LGSN: variants seen among roughly 807,000 people sequenced by gnomAD.
LGSN encodes the protein lengsin.
LGSN carries 21 observed loss-of-function variants against 19.5 expected under a neutral mutation model. The ratio of observed to expected loss-of-function variants is 1.07; its 90% CI spans 0.76 to 1.55. LGSN has a LOEUF of 1.55. Ranked by LOEUF, LGSN falls within the 40% of genes most tolerant of loss-of-function variation. The probability of loss-of-function intolerance (pLI) is 0.00; values close to 1 mark genes in which losing one functional copy is unlikely to be tolerated. For synonymous variants in LGSN, 257 were observed against 215.6 expected (o/e 1.19, Z -1.68); for missense variants, 673 against 608.5 (o/e 1.11, Z -1.12).
At chr6:63,358,582 C>T in the LGSN span, among the ~76,000 whole-genome samples, 117 of 152,148 alleles carry the variant, frequency 7.7e-4, no homozygotes, top group Middle Eastern at 3.4e-3. Flanking sequence ...GTATTTTATT[C>T]TCTTTGAAGC....
the LGSN span, among the ~76,000 whole-genome samples, chr6:63,326,793 C>T: frequency 3.9e-5 from 6 of 152,172 alleles, no homozygotes; most frequent in East Asian, 1.9e-4. Context: ...CCAGCTGGCC[C>T]GCAAGTGCCG....
chr6:63,332,499 C>T, the LGSN span, among the ~76,000 whole-genome samples: 14 of 152,224 alleles, frequency 9.2e-5, no homozygotes, highest in Admixed American at 8.5e-4. Context: ...TCTCTGTCAA[C>T]CCTCGGCTCA....
the LGSN span, among the ~76,000 whole-genome samples, chr6:63,520,942 A>G: frequency 3.9e-5 from 6 of 152,198 alleles, no homozygotes; most frequent in East Asian, 1.9e-4. Flanking sequence ...AGGGACATGG[A>G]TGAAGCTAGA....
the LGSN span, among the ~76,000 whole-genome samples, chr6:63,545,131 C>G: frequency 5.3e-5 from 8 of 152,162 alleles, no homozygotes; most frequent in African/African-American, 1.9e-4. Context: ...AATATGTACT[C>G]ATTGATTCTC....
the LGSN span, among the ~76,000 whole-genome samples, chr6:63,526,837 T>TATATATATATATC: frequency 1.1e-5 from 1 of 87,734 alleles, no homozygotes; most frequent in Non-Finnish European, 2.4e-5. Flanking sequence ...ATATATATAT[T>TATATATATATATC]TATTTATTTA....
At chr6:63,290,929 C>A (rs1254658826) in intron 2 of LGSN, among the ~76,000 whole-genome samples, 1 of 152,132 alleles carries the variant, frequency 6.6e-6, no homozygotes, top group Non-Finnish European at 1.5e-5. Context: ...CCGTCTGGCC[C>A]CTGTGGGTAT....
At chr6:63,517,651 C>T in the LGSN span, among the ~76,000 whole-genome samples, 1 of 152,032 alleles carries the variant, frequency 6.6e-6, no homozygotes, top group Non-Finnish European at 1.5e-5. Flanking sequence ...CACACACAAT[C>T]ACATACACAC....
chr6:63,376,847 T>C, the LGSN span, among the ~76,000 whole-genome samples: 18 of 152,228 alleles, frequency 1.2e-4, no homozygotes, highest in African/African-American at 3.6e-4. Flanking sequence ...ATTTTAACAA[T>C]GGTCTACATT....
At chr6:63,450,529 G>A in the LGSN span, among the ~76,000 whole-genome samples, 11 of 144,276 alleles carry the variant, frequency 7.6e-5, no homozygotes, top group African/African-American at 2.8e-4. Flanking sequence ...TGGGCAACAA[G>A]AGCAAAACTA....
chr6:63,546,856 AT>A, the LGSN span, among the ~76,000 whole-genome samples: 14 of 152,362 alleles, frequency 9.2e-5, no homozygotes, highest in Non-Finnish European at 4.4e-5. Flanking sequence ...TCTCAAAAAA[AT>A]ATGTAAAGTG....
At chr6:63,560,092 A>G in the LGSN span, among the ~76,000 whole-genome samples, 1 of 152,208 alleles carries the variant, frequency 6.6e-6, no homozygotes, top group East Asian at 1.9e-4. Context: ...TTCATCATTT[A>G]CAATAGTGCC....
the LGSN span, among the ~76,000 whole-genome samples, chr6:63,432,659 T>C: frequency 2.6e-5 from 4 of 151,134 alleles, no homozygotes; most frequent in African/African-American, 9.8e-5. Flanking sequence ...ACCACTGCAC[T>C]GGAGCCTGGG....
At chr6:63,410,349 T>C in the LGSN span, among the ~76,000 whole-genome samples, 1 of 152,132 alleles carries the variant, frequency 6.6e-6, no homozygotes, top group African/African-American at 2.4e-5. Flanking sequence ...TAATCAAAAG[T>C]GGGACTCTAT....
At chr6:63,299,885 T>C (rs1424430808) in intron 1 of LGSN, among the ~76,000 whole-genome samples, 1 of 152,198 alleles carries the variant, frequency 6.6e-6, no homozygotes, top group South Asian at 2.1e-4. Flanking sequence ...TTGCTATATG[T>C]TTTAGGGTCA....
At chr6:63,526,422 T>C in the LGSN span, among the ~76,000 whole-genome samples, 1 of 152,122 alleles carries the variant, frequency 6.6e-6, no homozygotes, top group Non-Finnish European at 1.5e-5. Context: ...GAAGAATTCT[T>C]ACATAATCTT....
At chr6:63,496,395 T>C in the LGSN span, among the ~76,000 whole-genome samples, 1 of 152,224 alleles carries the variant, frequency 6.6e-6, no homozygotes, top group Non-Finnish European at 1.5e-5. Flanking sequence ...ATAAGTGCTT[T>C]ATAAATATTT....
chr6:63,352,053 A>G, the LGSN span, among the ~76,000 whole-genome samples: 1 of 152,240 alleles, frequency 6.6e-6, no homozygotes, highest in Non-Finnish European at 1.5e-5. Context: ...AAAACAAGAA[A>G]TGGTTGAGAC....
At chr6:63,550,606 T>C in the LGSN span, 1 of 152,284 alleles carries the variant, frequency 6.6e-6, no homozygotes, top group Non-Finnish European at 1.5e-5. Context: ...TATAGTGATA[T>C]TTGTTTTTGG....
chr6:63,469,158 T>C, the LGSN span, among the ~76,000 whole-genome samples: 40 of 152,354 alleles, frequency 2.6e-4, no homozygotes, highest in African/African-American at 9.6e-4. Context: ...GCCCCAATAG[T>C]ACTTTTAATG....
Sources: allele counts gnomAD v4.1 joint callset (sites outside exome capture counted in the v4.1 genomes callset), GRCh38; gene constraint gnomAD v4.1.1; transcripts MANE v1.5; gene names NCBI Gene and HGNC (gene_info 2026-07-23, HGNC 2026-07-21).